Variants in PPP2R1A observed in about 807,000 individuals in gnomAD.
The protein encoded by PPP2R1A is serine/threonine-protein phosphatase 2A 65 kDa regulatory subunit A alpha isoform.
A neutral mutation model predicts 67.1 loss-of-function variants in PPP2R1A; 15 were observed. The observed-to-expected ratio is 0.22, with a 90% CI of 0.15 to 0.34. The LOEUF (loss-of-function observed/expected upper bound fraction) is 0.34. PPP2R1A is among the 10% of genes least tolerant of loss of function. PPP2R1A has a pLI of 1.00. For synonymous variants in PPP2R1A, 337 were observed against 325.0 expected, an observed-to-expected ratio of 1.04 and a Z score of -0.40; for missense variants, 369 against 775.0, an observed-to-expected ratio of 0.48 and a Z score of 6.22.
chr19:52,211,558 G>T lies in PPP2R1A; in HGVS notation c.503+66G>T. 1 of 1,511,278 alleles carries T rather than the reference G, an allele frequency of 6.6e-7. No homozygotes were observed. The highest frequency in any genetic ancestry group is 1.3e-5 in the South Asian group (1 of 78,690). The allele number at this position is 1,511,278 out of a possible 1,614,324, so 93.6% of individuals were successfully genotyped here. A position where few individuals can be genotyped will look rare whatever the true frequency, so the allele number is the denominator to read the frequency against. ...AGCTCCAACCTTCTCTAAAGCCTCA[G>T]ACTCCTTTTGGTCTAGCTGGGGCCC... is the stretch of plus-strand genomic sequence containing the variant. On this transcript the variant is annotated intron_variant, in intron 4 of 14. Transcript: ENST00000322088. The surrounding 1 kb of genome is among the most constrained non-coding windows in gnomAD (Gnocchi z 5.3).
chr19:52,202,654 A>G (rs965311814), intron 2 of PPP2R1A, among the ~76,000 whole-genome samples: 2 of 152,244 alleles, frequency 1.3e-5, no homozygotes, highest in East Asian at 3.9e-4. Flanking sequence ...TGAGGAGGTA[A>G]CTGAGAAGGG....
Position 52,217,858 on chromosome 19 carries a change from G to A in PPP2R1A, c.1128+1195G>A, listed in dbSNP as rs111429100. On this transcript the variant is annotated intron_variant, in intron 9 of 14. Coordinates refer to ENST00000322088, the MANE Select transcript of PPP2R1A (RefSeq NM_014225.6). Reference sequence around the variant, plus strand: ...TGGAGAGATCATCAGGGTGACCACTGGGGAAGGAGTTTGGACTTGACTGTG... The same window carrying A: ...TGGAGAGATCATCAGGGTGACCACTAGGGAAGGAGTTTGGACTTGACTGTG... Among the ~76,000 whole-genome samples the A allele has an allele frequency of 3.2e-3, 484 of 152,124 alleles. 4 individuals are homozygous for A. Among genetic ancestry groups the A allele is most frequent in the African/African-American group, 0.011 (465 of 41,496 alleles).
At chr19:52,207,884 G>A (rs914821390) in intron 3 of PPP2R1A, among the ~76,000 whole-genome samples, 2 of 152,128 alleles carry the variant, frequency 1.3e-5, no homozygotes, top group Non-Finnish European at 2.9e-5. Flanking sequence ...GAGGCAGGGG[G>A]GTCCTTAAAC....
In PPP2R1A at chr19:52,214,425, T is replaced by C. The variant is rs1017572973; in HGVS notation, c.807+1315T>C. Among the ~76,000 whole-genome samples the C allele has an allele frequency of 2.0e-5, 3 of 152,288 alleles. No individual in the cohort carries two copies. In the South Asian group the frequency reaches 6.2e-4, roughly 32 times the overall value. ...AGGGAAGGTTCTTCCCATCCTTGTC[T>C]CCTGAGCTGCATAAACTGTGTCACA... On this transcript the variant is annotated intron_variant, in intron 6 of 14. Coordinates refer to ENST00000322088, the MANE Select transcript of PPP2R1A (RefSeq NM_014225.6).
rs1201642217 is a variant in PPP2R1A, at chr19:52,226,460, A to G, written c.*479A>G. 1.6e-5 allele frequency: 4 copies of G among 246,310 alleles called. No homozygotes were observed. The highest frequency in any genetic ancestry group is 3.2e-5 in the Non-Finnish European group (4 of 126,614). The allele number at this position is 246,310 out of a possible 1,614,324, so 15.3% of individuals were successfully genotyped here. On this transcript the variant is annotated 3_prime_UTR_variant, in exon 15 of 15. Transcript: ENST00000322088. ...TAGTCATCAGCTTGGAGGAGGGGGC[A>G]CCACCCCAGAGCCACAACATCTGCG...
chr19:52,215,970 T>TC, intron 7 of PPP2R1A, 34 bp from the exon 8 acceptor site: 1 of 1,610,640 alleles, frequency 6.2e-7, no homozygotes, highest in Non-Finnish European at 8.5e-7. Flanking sequence ...ACATCAGGTC[T>TC]CACTTCCCTT....
rs1471155912 is a variant in PPP2R1A at position 52,228,363 on chromosome 19, G to A, written c.*2382G>A. ...AACCAGGAGTTGCCTGGTGTCTTGG[G>A]TCATGTGCTCTAGAAGCAGAGCCCG... On this transcript the variant is annotated 3_prime_UTR_variant, in exon 15 of 15. Transcript: ENST00000322088. 6.6e-6 allele frequency: 1 copy of A among 152,320 alleles called. No individual in the cohort carries two copies. Among genetic ancestry groups the A allele is most frequent in the East Asian group, 1.9e-4 (1 of 5,180 alleles). 9.4% of individuals were successfully genotyped at this position (152,320 alleles called of 1,614,324 possible). A position where few individuals can be genotyped will look rare whatever the true frequency, so the allele number is the denominator to read the frequency against.
chr19:52,217,313 C>T (rs1041114324), intron 9 of PPP2R1A, among the ~76,000 whole-genome samples: 3 of 152,248 alleles, frequency 2.0e-5, no homozygotes, highest in African/African-American at 7.2e-5. Flanking sequence ...ATCCTCCCAC[C>T]TTAGCCTCCC....
In PPP2R1A at chr19:52,216,192, G is replaced by A. The variant is rs1978562701; in HGVS notation, c.993+118G>A. On this transcript the variant is annotated intron_variant, in intron 8 of 14. Coordinates refer to ENST00000322088, the MANE Select transcript of PPP2R1A (RefSeq NM_014225.6). The surrounding 1 kb of genome is among the most constrained non-coding windows in gnomAD (Gnocchi z 4.3). ...CTAGGTTCCCAGCCCTCTGGGACCA[G>A]GCAGCTCTTGGGTTTCAAGCAGTTA... 1 of 1,150,082 alleles carries A rather than the reference G, an allele frequency of 8.7e-7. No individual in the cohort carries two copies. The highest frequency in any genetic ancestry group is 2.1e-5 in the Admixed American group (1 of 47,432). The allele number at this position is 1,150,082 out of a possible 1,614,324, so 71.2% of individuals were successfully genotyped here. A position where few individuals can be genotyped will look rare whatever the true frequency, so the allele number is the denominator to read the frequency against.
At chr19:52,208,794 C>T (rs557456210) in intron 3 of PPP2R1A, among the ~76,000 whole-genome samples, 7 of 152,344 alleles carry the variant, frequency 4.6e-5, no homozygotes, top group South Asian at 2.1e-4. Flanking sequence ...CCACCGCATC[C>T]GGCCAGCAGT....
At position 52,225,996 on chromosome 19, in the gene PPP2R1A, C is replaced by T. The variant is rs1051858122; in HGVS notation, c.*15C>T. 1.2e-6 allele frequency: 2 copies of T among 1,614,102 alleles called. No individual in the cohort carries two copies. Among genetic ancestry groups the T allele is most frequent in the Non-Finnish European group, 1.7e-6 (2 of 1,180,044 alleles). Reference sequence around the variant, plus strand: ...CTCTCGCCTGATGCTGGAAGAGGAGCAAACACTGGCCTCTGGTGTCCACCC... The same window carrying T: ...CTCTCGCCTGATGCTGGAAGAGGAGTAAACACTGGCCTCTGGTGTCCACCC... On this transcript the variant is annotated 3_prime_UTR_variant, in exon 15 of 15. Transcript: ENST00000322088.
chr19:52,223,954 C>T (rs951875692), intron 13 of PPP2R1A, among the ~76,000 whole-genome samples: 37 of 152,174 alleles, frequency 2.4e-4, no homozygotes, highest in African/African-American at 8.2e-4. Flanking sequence ...AAAATGGAAA[C>T]AACCTCCATG....
intron 3 of PPP2R1A, among the ~76,000 whole-genome samples, chr19:52,208,860 T>C (rs1163303971): frequency 1.3e-5 from 2 of 152,068 alleles, no homozygotes; most frequent in East Asian, 3.8e-4. Flanking sequence ...TTCTGGACCC[T>C]CTTCTTATAA....
intron 2 of PPP2R1A, among the ~76,000 whole-genome samples, 171 bp from the exon 3 acceptor site, chr19:52,205,792 C>T (rs2089595746): frequency 6.6e-6 from 1 of 152,178 alleles, no homozygotes; most frequent in Non-Finnish European, 1.5e-5. Flanking sequence ...CCAGCCAAGC[C>T]TGTACCTTAA....
rs946530274 is a variant in PPP2R1A, at chr19:52,208,813, CTT to C, written c.271-2444_271-2443del. ...CGCATCCGGCCAGCAGTTCCTAACT[CTT>C]TTGGAATTATGGATCCCTTTGAGAA... On this transcript the variant is annotated intron_variant, in intron 3 of 14. Transcript: ENST00000322088. 3.3e-5 allele frequency among the ~76,000 whole-genome samples: 5 copies of C among 152,166 alleles called. No individual in the cohort carries two copies. In the East Asian group the frequency reaches 5.8e-4, roughly 18 times the overall value.
At chr19:52,225,677 T>A (rs1269353543) in intron 13 of PPP2R1A, 40 bp from the exon 14 acceptor site, 1 of 1,590,896 alleles carries the variant, frequency 6.3e-7, no homozygotes, top group Non-Finnish European at 8.6e-7. Context: ...CAGTCCATCC[T>A]GGCTCACCCT....
At chr19:52,199,444 C>T (rs904038343) in intron 1 of PPP2R1A, among the ~76,000 whole-genome samples, 6 of 151,464 alleles carry the variant, frequency 4.0e-5, no homozygotes, top group African/African-American at 1.2e-4. Context: ...GCTGGGATTA[C>T]AGGCATGAGC....
chr19:52,216,091 TG>T lies in PPP2R1A; in HGVS notation c.993+20del, dbSNP rs1568596128. 8.7e-6 allele frequency: 14 copies of T among 1,605,948 alleles called. No homozygotes were observed. The highest frequency in any genetic ancestry group is 5.0e-5 in the Admixed American group (3 of 59,970). ...TGCATCAAGGTAACAGAGAGTTTGA[TG>T]GGAGGAACCAAGTGGATCCGAGCCT... On this transcript the variant is annotated intron_variant, in intron 8 of 14. Transcript: ENST00000322088. This position sits in a 1 kb window ranked among gnomAD's most constrained non-coding sequence, Gnocchi z 4.3.
intron 13 of PPP2R1A, among the ~76,000 whole-genome samples, chr19:52,222,855 C>T (rs1025287626): frequency 7.2e-5 from 11 of 152,124 alleles, no homozygotes; most frequent in East Asian, 1.9e-4. Flanking sequence ...CCAGCCTGGG[C>T]GATAGAGCGA....
Sources: allele counts gnomAD v4.1 joint callset (sites outside exome capture counted in the v4.1 genomes callset), GRCh38; gene constraint gnomAD v4.1.1; non-coding constraint Gnocchi (gnomAD v3.1); transcripts MANE v1.5; gene names NCBI Gene and HGNC (gene_info 2026-07-23, HGNC 2026-07-21).